TMEM272: variants seen among roughly 807,000 people sequenced by gnomAD.
The protein encoded by TMEM272 is long intergenic non-protein coding RNA 282.
Under a neutral mutation model 3.7 loss-of-function variants are expected in TMEM272, and 8 were observed. The ratio of observed to expected loss-of-function variants is 2.17; its 90% CI spans 1.27 to 3.91. The LOEUF (loss-of-function observed/expected upper bound fraction) is 3.91, where lower values mean the gene tolerates loss of function less well. Ranked by LOEUF, TMEM272 falls within the 30% of genes most tolerant of loss-of-function variation. The pLI, the probability that TMEM272 is intolerant of heterozygous loss-of-function variation, is 0.00. For synonymous variants in TMEM272, 63 were observed against 39.8 expected, an observed-to-expected ratio of 1.58 and a Z score of -2.20; for missense variants, 166 against 91.5, an observed-to-expected ratio of 1.81 and a Z score of -3.32.
At chr13:51,883,067 A>G in the TMEM272 span, among the ~76,000 whole-genome samples, 1 of 152,208 alleles carries the variant, frequency 6.6e-6, no homozygotes, top group Non-Finnish European at 1.5e-5. Flanking sequence ...TAGCACCTGA[A>G]AACTTGGAGA....
the TMEM272 span, among the ~76,000 whole-genome samples, chr13:51,922,393 AC>A: frequency 2.0e-5 from 3 of 152,226 alleles, no homozygotes; most frequent in African/African-American, 7.2e-5. Flanking sequence ...ATTTCTATAT[AC>A]AAAGCAGTTG....
At chr13:51,838,210 G>A (rs192550672) in intron 2 of TMEM272, among the ~76,000 whole-genome samples, 21 of 152,180 alleles carry the variant, frequency 1.4e-4, no homozygotes, top group Admixed American at 1.2e-3. Flanking sequence ...CAGTGACTCC[G>A]TTCACATGCA....
At chr13:51,885,316 T>A in the TMEM272 span, among the ~76,000 whole-genome samples, 1 of 152,178 alleles carries the variant, frequency 6.6e-6, no homozygotes. Context: ...TAAAAGAGGT[T>A]TAATTGACTC....
the TMEM272 span, among the ~76,000 whole-genome samples, chr13:51,860,803 AAAT>A: frequency 2.1e-5 from 3 of 141,104 alleles, no homozygotes; most frequent in South Asian, 2.3e-4. Context: ...TATATAGAAA[AAAT>A]ATATATATAG....
At chr13:51,910,943 C>A in the TMEM272 span, among the ~76,000 whole-genome samples, 1 of 152,186 alleles carries the variant, frequency 6.6e-6, no homozygotes, top group Admixed American at 6.5e-5. Flanking sequence ...AAGCTGACAC[C>A]CTAGCTAAAT....
chr13:51,867,196 C>G, the TMEM272 span, among the ~76,000 whole-genome samples: 1 of 152,186 alleles, frequency 6.6e-6, no homozygotes, highest in Non-Finnish European at 1.5e-5. Context: ...CTTTCTCATG[C>G]ACCTCCTCAT....
the TMEM272 span, chr13:51,908,885 A>G: frequency 7.0e-7 from 1 of 1,420,976 alleles, no homozygotes; most frequent in South Asian, 1.1e-5. Flanking sequence ...GAGGATCAGT[A>G]AACCTATCAC....
At chr13:51,904,345 C>T in the TMEM272 span, among the ~76,000 whole-genome samples, 1 of 152,136 alleles carries the variant, frequency 6.6e-6, no homozygotes, top group Non-Finnish European at 1.5e-5. Flanking sequence ...TGACTGATGA[C>T]TGCTTGGTGG....
chr13:51,816,420 T>C lies in TMEM272; in HGVS notation c.*331A>G, dbSNP rs2139541161. On this transcript the variant is annotated 3_prime_UTR_variant, in exon 5 of 5. Transcript: ENST00000629372. Reference sequence around the variant, plus strand: ...TGCACCAGTCATTGAAATTGCACTATGATTTGAAAAGGTCTCCCATTCTTT... The same window carrying C: ...TGCACCAGTCATTGAAATTGCACTACGATTTGAAAAGGTCTCCCATTCTTT... 1 of 221,590 alleles carries C rather than the reference T, an allele frequency of 4.5e-6. No individual in the cohort carries two copies. The highest frequency in any genetic ancestry group is 2.2e-5 in the African/African-American group (1 of 44,932). 13.7% of individuals were successfully genotyped at this position (221,590 alleles called of 1,614,324 possible). A position where few individuals can be genotyped will look rare whatever the true frequency, so the allele number is the denominator to read the frequency against.
the TMEM272 span, chr13:51,865,225 T>C: frequency 3.4e-6 from 2 of 589,186 alleles, no homozygotes; most frequent in Admixed American, 6.5e-5. Flanking sequence ...CACCACCATG[T>C]GGACAAAGAG....
chr13:51,871,645 G>C, the TMEM272 span, among the ~76,000 whole-genome samples: 1 of 152,064 alleles, frequency 6.6e-6, no homozygotes, highest in Non-Finnish European at 1.5e-5. Context: ...ACACCTCACT[G>C]TAACCTCAGC....
chr13:51,910,160 T>C, the TMEM272 span: 1 of 1,059,748 alleles, frequency 9.4e-7, no homozygotes. Context: ...TAGATTTCTC[T>C]TCTTTTATCC....
the TMEM272 span, among the ~76,000 whole-genome samples, chr13:51,918,803 CTTTTTTTTTTT>C: frequency 3.7e-5 from 3 of 81,042 alleles, no homozygotes; most frequent in East Asian, 4.0e-4. Flanking sequence ...TTTTGAAATT[CTTTTTTTTTTT>C]TTTTTTTTTT....
At chr13:51,891,581 T>C in the TMEM272 span, among the ~76,000 whole-genome samples, 2 of 152,160 alleles carry the variant, frequency 1.3e-5, no homozygotes, top group South Asian at 2.1e-4. Context: ...GAGGAGGGGA[T>C]TGGGGCTCCT....
At chr13:51,886,428 T>C in the TMEM272 span, among the ~76,000 whole-genome samples, 1 of 152,212 alleles carries the variant, frequency 6.6e-6, no homozygotes, top group African/African-American at 2.4e-5. Context: ...AATGAACTTA[T>C]ATTATTCCCA....
the TMEM272 span, among the ~76,000 whole-genome samples, chr13:51,850,941 C>T: frequency 6.6e-6 from 1 of 152,126 alleles, no homozygotes; most frequent in Non-Finnish European, 1.5e-5. Context: ...ATATATCCCG[C>T]TAAGGAGGGT....
At chr13:51,898,911 C>T in the TMEM272 span, among the ~76,000 whole-genome samples, 1 of 152,256 alleles carries the variant, frequency 6.6e-6, no homozygotes, top group African/African-American at 2.4e-5. Flanking sequence ...ACTTTCTCTG[C>T]CTCAATCCCT....
the TMEM272 span, among the ~76,000 whole-genome samples, chr13:51,857,681 A>G: frequency 6.6e-6 from 1 of 152,122 alleles, no homozygotes; most frequent in Non-Finnish European, 1.5e-5. Flanking sequence ...AAATTATTTA[A>G]TTAATCCAAA....
rs573195249 is a variant in TMEM272, at chr13:51,814,111, G to A, written c.*2640C>T. Reference sequence around the variant, plus strand: ...AGGATTATAACTTCTTCTATAACCAGGAACTTCTTACACTCACCTCCAGCT... The same window carrying A: ...AGGATTATAACTTCTTCTATAACCAAGAACTTCTTACACTCACCTCCAGCT... On this transcript the variant is annotated 3_prime_UTR_variant, in exon 5 of 5. Transcript: ENST00000629372. The A allele has an allele frequency of 6.6e-6, 1 of 152,266 alleles. No homozygotes were observed. Among genetic ancestry groups the A allele is most frequent in the Non-Finnish European group, 1.5e-5 (1 of 68,102 alleles). 9.4% of individuals were successfully genotyped at this position (152,266 alleles called of 1,614,324 possible).
Sources: gnomAD v4.1 joint callset for allele counts (sites outside exome capture counted in the v4.1 genomes callset) on GRCh38, gnomAD v4.1.1 for gene constraint, MANE v1.5 for transcripts, NCBI Gene and HGNC (gene_info 2026-07-23, HGNC 2026-07-21) for gene names.